Variants in PSD2 observed in about 807,000 individuals in gnomAD.
PSD2 encodes PH and SEC7 domain-containing protein 2.
In PSD2, 38 loss-of-function variants were observed where a neutral mutation model predicts 69.8. The observed-to-expected ratio is 0.54, with a 90% CI of 0.42 to 0.71. PSD2 has a LOEUF of 0.71. Ranked by LOEUF, PSD2 falls within the 30% of genes least tolerant of loss-of-function variation. The probability of loss-of-function intolerance (pLI) is 0.00; values close to 1 mark genes in which losing one functional copy is unlikely to be tolerated. For missense variants in PSD2, 943 were observed against 1,014.5 expected, an observed-to-expected ratio of 0.93 and a Z score of 0.96; for synonymous variants, 412 against 423.0, an observed-to-expected ratio of 0.97 and a Z score of 0.32.
the PSD2 span, among the ~76,000 whole-genome samples, chr5:139,749,230 A>G: frequency 2.0e-5 from 3 of 152,070 alleles, no homozygotes; most frequent in Admixed American, 6.5e-5. Flanking sequence ...TCACTCTCCC[A>G]TCTCTGAAGT....
chr5:139,840,552 A>ATT (rs200975712), intron 14 of PSD2, among the ~76,000 whole-genome samples: 41 of 141,028 alleles, frequency 2.9e-4, no homozygotes, highest in South Asian at 6.9e-4. Context: ...TCTCATTACT[A>ATT]TTTTTTTTTT....
intron 7 of PSD2, among the ~76,000 whole-genome samples, chr5:139,823,382 G>A (rs546103541): frequency 7.2e-4 from 110 of 152,108 alleles, no homozygotes; most frequent in Non-Finnish European, 1.6e-3. Flanking sequence ...GCCCTTCTGT[G>A]TCCCCCATCA....
chr5:139,810,040 T>C (rs1023897051), intron 2 of PSD2, among the ~76,000 whole-genome samples: 1 of 151,828 alleles, frequency 6.6e-6, no homozygotes, highest in African/African-American at 2.4e-5. Context: ...CGTGAGCTGC[T>C]TCTATGTGGA....
At chr5:139,824,335 G>A (rs1760354289) in intron 7 of PSD2, among the ~76,000 whole-genome samples, 1 of 152,046 alleles carries the variant, frequency 6.6e-6, no homozygotes, top group Non-Finnish European at 1.5e-5. Context: ...ATTAGAAGTG[G>A]GTTGGGATGA....
At chr5:139,805,715 C>T (rs760660899) in intron 1 of PSD2, among the ~76,000 whole-genome samples, 9 of 151,640 alleles carry the variant, frequency 5.9e-5, no homozygotes, top group African/African-American at 1.9e-4. Flanking sequence ...TTCTAGGCCA[C>T]GGGTATAGCT....
At chr5:139,812,834 C>T (rs561544551) in intron 2 of PSD2, among the ~76,000 whole-genome samples, 1 of 152,288 alleles carries the variant, frequency 6.6e-6, no homozygotes, top group South Asian at 2.1e-4. Context: ...GCCCTCTAGG[C>T]CGGGCTGGGG....
At chr5:139,833,664 C>A in intron 7 of PSD2, 38 bp from the exon 8 acceptor site, 1 of 1,504,064 alleles carries the variant, frequency 6.6e-7, no homozygotes, top group Non-Finnish European at 9.3e-7. Context: ...CACCAGCCTC[C>A]TTCCCTACTC....
At chr5:139,798,875 T>C (rs1759596957) in intron 1 of PSD2, among the ~76,000 whole-genome samples, 1 of 151,984 alleles carries the variant, frequency 6.6e-6, no homozygotes, top group African/African-American at 2.4e-5. Flanking sequence ...AAGTCCTTTA[T>C]AGCTGTTTTT....
At chr5:139,836,071 C>T (rs571833932) in intron 9 of PSD2, among the ~76,000 whole-genome samples, 6 of 152,380 alleles carry the variant, frequency 3.9e-5, no homozygotes, top group African/African-American at 1.2e-4. Context: ...TTGATGACCG[C>T]TCCTTTCCCT....
chr5:139,823,603 G>A (rs768549314), intron 7 of PSD2, among the ~76,000 whole-genome samples: 16 of 152,026 alleles, frequency 1.1e-4, no homozygotes, highest in African/African-American at 2.7e-4. Context: ...GTGTGATCCC[G>A]GGCAAGCACT....
the PSD2 span, among the ~76,000 whole-genome samples, chr5:139,767,122 AGCTGGGACTACAGGCACCCGCCACCTT>A: frequency 6.6e-6 from 1 of 151,150 alleles, no homozygotes; most frequent in Non-Finnish European, 1.5e-5. Context: ...CCTCCCGAGT[AGCTGGGACTACAGGCACCCGCCACCTT>A]GCCCAGCTAA....
chr5:139,810,188 T>C (rs1297238047), intron 2 of PSD2, among the ~76,000 whole-genome samples: 2 of 152,176 alleles, frequency 1.3e-5, no homozygotes, highest in African/African-American at 4.8e-5. Context: ...CCCAAATCCT[T>C]CAACTGACTC....
At chr5:139,833,584 T>C (rs190644466) in intron 7 of PSD2, 118 bp from the exon 8 acceptor site, 3 of 736,054 alleles carry the variant, frequency 4.1e-6, no homozygotes, top group Non-Finnish European at 7.4e-6. Context: ...TTCACGCAAT[T>C]TAATTTTCAT....
the PSD2 span, among the ~76,000 whole-genome samples, chr5:139,789,123 C>T: frequency 2.0e-5 from 3 of 152,200 alleles, no homozygotes; most frequent in East Asian, 3.8e-4. Context: ...GTCAGGGTTG[C>T]GGCCCAGGCA....
intron 7 of PSD2, among the ~76,000 whole-genome samples, chr5:139,823,916 G>C (rs1313964160): frequency 6.6e-6 from 1 of 152,228 alleles, no homozygotes; most frequent in Non-Finnish European, 1.5e-5. Flanking sequence ...ACCTGGCCTG[G>C]GGAGGGCTAG....
At chr5:139,799,562 G>A (rs1759615167) in intron 1 of PSD2, among the ~76,000 whole-genome samples, 1 of 152,214 alleles carries the variant, frequency 6.6e-6, no homozygotes, top group Admixed American at 6.5e-5. Flanking sequence ...GGGTTTTGAA[G>A]AGGGGATGAT....
At chr5:139,836,266 C>T (rs1281247071) in intron 9 of PSD2, among the ~76,000 whole-genome samples, 2 of 152,166 alleles carry the variant, frequency 1.3e-5, no homozygotes, top group African/African-American at 4.8e-5. Context: ...TTTGGGGAGA[C>T]CGTGAAAGGC....
chr5:139,746,951 C>A, the PSD2 span, among the ~76,000 whole-genome samples: 1 of 152,192 alleles, frequency 6.6e-6, no homozygotes, highest in South Asian at 2.1e-4. The surrounding 1 kb of genome is among the most constrained non-coding windows in gnomAD (Gnocchi z 4.5). Flanking sequence ...CCTCCACGGT[C>A]GTCCGCAGCT....
rs763351814 is a variant in PSD2, at chr5:139,813,630, T to C, written c.693T>C (p.Ser231=). The change falls in exon 3 of 15, where the codon TCT becomes TCC. Residue 231 remains serine (S), a synonymous_variant. Coordinates refer to ENST00000274710, the MANE Select transcript of PSD2 (RefSeq NM_032289.4). ...GGCGCTCCATCTCCAGCAGCCGCTC[T>C]GAGAATGTCCTGAGCCGCCTGTCTC... ...PLRRSISSSR[S]ENVLSRLSLM... is the part of the protein sequence containing the mutation. The C allele has an allele frequency of 5.0e-6, 8 of 1,613,906 alleles. No homozygotes were observed. The South Asian group carries it at 8.8e-5, about 18-fold the overall frequency.
Sources: gnomAD v4.1 joint callset for allele counts (sites outside exome capture counted in the v4.1 genomes callset) on GRCh38, gnomAD v4.1.1 for gene constraint, Gnocchi (gnomAD v3.1) non-coding constraint, MANE v1.5 for transcripts, NCBI Gene and HGNC (gene_info 2026-07-23, HGNC 2026-07-21) for gene names.